The following WASF1 variants were observed in gnomAD, a reference collection of about 807,000 sequenced individuals.
The protein encoded by WASF1 is WASP family member 1.
A neutral mutation model predicts 50.5 loss-of-function variants in WASF1; 7 were observed. The ratio of observed to expected loss-of-function variants is 0.14; its 90% CI spans 0.08 to 0.26. The LOEUF (loss-of-function observed/expected upper bound fraction) is 0.26, where lower values mean the gene tolerates loss of function less well. WASF1 is among the 10% of genes least tolerant of loss of function. The probability of loss-of-function intolerance (pLI) is 1.00; values close to 1 mark genes in which losing one functional copy is unlikely to be tolerated. For synonymous variants in WASF1, 205 were observed against 244.0 expected (o/e 0.84, Z 1.49); for missense variants, 470 against 694.7 (o/e 0.68, Z 3.64).
At chr6:110,107,623 T>C (rs1224048966) in intron 6 of WASF1, among the ~76,000 whole-genome samples, 1 of 152,220 alleles carries the variant, frequency 6.6e-6, no homozygotes, top group Non-Finnish European at 1.5e-5. Context: ...CCAAAAGATA[T>C]CATGTAATAG....
chr6:110,115,641 A>T (rs1054833702), intron 4 of WASF1, among the ~76,000 whole-genome samples: 1 of 152,232 alleles, frequency 6.6e-6, no homozygotes, highest in Non-Finnish European at 1.5e-5. Context: ...AAGGACATTT[A>T]AGACTCATTA....
At chr6:110,110,083 T>C (rs1773492547) in intron 5 of WASF1, among the ~76,000 whole-genome samples, 2 of 152,152 alleles carry the variant, frequency 1.3e-5, no homozygotes, top group Admixed American at 1.3e-4. Flanking sequence ...TTTTCCCCAC[T>C]ATCACTAAAA....
intron 2 of WASF1, among the ~76,000 whole-genome samples, chr6:110,175,556 G>C (rs140057970): frequency 8.5e-4 from 130 of 152,258 alleles, no homozygotes; most frequent in African/African-American, 3.0e-3. Context: ...ACCAAGCTTC[G>C]AAGTATCTTA....
chr6:110,144,042 A>T (rs1775406455), intron 3 of WASF1, among the ~76,000 whole-genome samples: 2 of 152,112 alleles, frequency 1.3e-5, no homozygotes, highest in Non-Finnish European at 2.9e-5. Context: ...CACCACACCG[A>T]CTTCCACAAT....
chr6:110,133,676 T>C (rs955522294), intron 3 of WASF1, among the ~76,000 whole-genome samples: 5 of 152,218 alleles, frequency 3.3e-5, no homozygotes, highest in African/African-American at 1.2e-4. Context: ...GCCACTCGTA[T>C]ATCTTCTTTG....
At chr6:110,138,323 G>T (rs1289087836) in intron 3 of WASF1, among the ~76,000 whole-genome samples, 1 of 152,224 alleles carries the variant, frequency 6.6e-6, no homozygotes, top group Non-Finnish European at 1.5e-5. Context: ...TCACAGCAAT[G>T]GCTTAGGAAG....
intron 4 of WASF1, among the ~76,000 whole-genome samples, chr6:110,117,084 A>G (rs1259181125): frequency 6.6e-6 from 1 of 152,206 alleles, no homozygotes; most frequent in East Asian, 1.9e-4. Flanking sequence ...AATTCGAAAA[A>G]AAAAACAAAG....
chr6:110,144,359 A>C (rs1347809564), intron 3 of WASF1, among the ~76,000 whole-genome samples: 3 of 152,086 alleles, frequency 2.0e-5, no homozygotes, highest in Non-Finnish European at 4.4e-5. Context: ...GATTCTGGAT[A>C]TTAGCCCTTT....
At chr6:110,101,314 A>G (rs1773074262) in intron 10 of WASF1, among the ~76,000 whole-genome samples, 2 of 152,220 alleles carry the variant, frequency 1.3e-5, no homozygotes, top group Admixed American at 1.3e-4. Flanking sequence ...TAAATGTTCT[A>G]TAACATTTAA....
chr6:110,164,915 A>T (rs762965369), intron 2 of WASF1, among the ~76,000 whole-genome samples: 1 of 151,698 alleles, frequency 6.6e-6, no homozygotes, highest in Non-Finnish European at 1.5e-5. Context: ...CCTTAAATGC[A>T]TATTACCAAG....
At chr6:110,117,808 G>A (rs553833172) in intron 4 of WASF1, among the ~76,000 whole-genome samples, 6 of 152,214 alleles carry the variant, frequency 3.9e-5, no homozygotes, top group East Asian at 3.9e-4. Flanking sequence ...GACTAACAGC[G>A]GATCTCTCGG....
At chr6:110,167,086 T>C (rs1776508446) in intron 2 of WASF1, among the ~76,000 whole-genome samples, 2 of 151,782 alleles carry the variant, frequency 1.3e-5, no homozygotes, top group South Asian at 4.1e-4. Context: ...CATCATGCAG[T>C]GTTAGCCATC....
chr6:110,101,913 T>C lies in WASF1; in HGVS notation c.1197A>G (p.Pro399=), dbSNP rs547591918. Residue 399 remains proline, a synonymous_variant, in exon 10 of 11, where the codon CCA becomes CCG. Coordinates refer to ENST00000392589, the MANE Select transcript of WASF1 (RefSeq NM_003931.3). ...IAPPLVQPSP[P]VARAAPVCET... ...CACATACTGGGGCAGCTCTAGCTACTGGTGGAGAGGGCTGTACTAGAGGAG... is the reference window on the plus strand; with the variant it reads ...CACATACTGGGGCAGCTCTAGCTACCGGTGGAGAGGGCTGTACTAGAGGAG... 3.8e-5 allele frequency: 62 copies of C among 1,612,382 alleles called. No individual in the cohort carries two copies. The highest frequency in any genetic ancestry group is 6.7e-5 in the African/African-American group (5 of 74,856).
chr6:110,163,823 A>C (rs908163004), intron 2 of WASF1, among the ~76,000 whole-genome samples: 2 of 151,608 alleles, frequency 1.3e-5, no homozygotes, highest in African/African-American at 2.4e-5. Flanking sequence ...ACTTACTATA[A>C]AGTTACGGTA....
chr6:110,167,492 G>A (rs1776528382), intron 2 of WASF1, among the ~76,000 whole-genome samples: 2 of 151,918 alleles, frequency 1.3e-5, no homozygotes, highest in African/African-American at 4.8e-5. Context: ...GATAAGGTGT[G>A]TGTTTCTCAG....
intron 4 of WASF1, among the ~76,000 whole-genome samples, chr6:110,116,159 G>T (rs1326297110): frequency 6.6e-6 from 1 of 152,164 alleles, no homozygotes; most frequent in Non-Finnish European, 1.5e-5. Context: ...GAGGTACCTG[G>T]TTCATCTCAT....
chr6:110,171,120 C>G (rs1015961603), intron 2 of WASF1, among the ~76,000 whole-genome samples: 1 of 152,066 alleles, frequency 6.6e-6, no homozygotes, highest in African/African-American at 2.4e-5. Flanking sequence ...CCAACAACAG[C>G]AGAATACATG....
chr6:110,103,035 T>C (rs1773160828), intron 9 of WASF1, among the ~76,000 whole-genome samples: 1 of 152,220 alleles, frequency 6.6e-6, no homozygotes, highest in African/African-American at 2.4e-5. Context: ...ATGATATGCT[T>C]GATAACAACA....
intron 2 of WASF1, among the ~76,000 whole-genome samples, chr6:110,175,375 A>G (rs1776886084): frequency 6.6e-6 from 1 of 152,168 alleles, no homozygotes; most frequent in Non-Finnish European, 1.5e-5. Context: ...CATCACAAAA[A>G]TAACGCCTTT....
Sources: gnomAD v4.1 joint callset for allele counts (sites outside exome capture counted in the v4.1 genomes callset) on GRCh38, gnomAD v4.1.1 for gene constraint, MANE v1.5 for transcripts, NCBI Gene and HGNC (gene_info 2026-07-23, HGNC 2026-07-21) for gene names.